ZNF141: variants seen among roughly 807,000 people sequenced by gnomAD.
ZNF141 encodes zinc finger protein 141 (clone pHZ-44).
In ZNF141, 7 loss-of-function variants were observed where a neutral mutation model predicts 11.3. The observed-to-expected ratio is 0.62, with a 90% confidence interval of 0.35 to 1.16. The LOEUF (loss-of-function observed/expected upper bound fraction) is 1.16. Among genes scored for constraint, ZNF141 ranks in the 50% most tolerant of loss-of-function variants. The pLI, the probability that ZNF141 is intolerant of heterozygous loss-of-function variation, is 0.02. For missense variants in ZNF141, 535 were observed against 554.0 expected (o/e 0.97, Z 0.34); for synonymous variants, 183 against 190.7 (o/e 0.96, Z 0.33).
rs1712427696 is a variant in ZNF141, at chr4:377,526, A to T, written c.*3664A>T. Among the ~76,000 whole-genome samples the T allele has an allele frequency of 6.6e-6, 1 of 152,002 alleles. No homozygotes were observed. The highest frequency in any genetic ancestry group is 2.4e-5 in the African/African-American group (1 of 41,384). ...TATGTATGCCTCAGAGCCTTTCTTC[A>T]TTTTTGCGTTATGGCTAGTTTGTCA... is the stretch of plus-strand genomic sequence containing the variant. On this transcript the variant is annotated 3_prime_UTR_variant, in exon 4 of 4. Coordinates refer to ENST00000240499, the MANE Select transcript of ZNF141 (RefSeq NM_003441.4).
intron 3 of ZNF141, among the ~76,000 whole-genome samples, chr4:371,864 T>C (rs1001638435): frequency 1.3e-5 from 2 of 152,178 alleles, no homozygotes; most frequent in Non-Finnish European, 2.9e-5. Context: ...TTTTAAATTG[T>C]TGGACTGTGT....
rs1712666991 is a variant in ZNF141 at position 382,388 on chromosome 4, C to T, written c.*8526C>T. On this transcript the variant is annotated 3_prime_UTR_variant, in exon 4 of 4. Coordinates refer to ENST00000240499, the MANE Select transcript of ZNF141 (RefSeq NM_003441.4). ...GCACTGGGAAAAAATAGCAGCAGCC[C>T]TATTGCTATGTCACTTGCCTGCAGA... 6.6e-6 allele frequency among the ~76,000 whole-genome samples: 1 copy of T among 152,122 alleles called. No individual in the cohort carries two copies. The highest frequency in any genetic ancestry group is 1.5e-5 in the Non-Finnish European group (1 of 68,018).
intron 3 of ZNF141, among the ~76,000 whole-genome samples, chr4:363,084 G>A (rs1216712178): frequency 2.0e-5 from 3 of 152,126 alleles, no homozygotes; most frequent in Admixed American, 6.6e-5. Flanking sequence ...TCCTTGAAGA[G>A]GTCCTTCACA....
intron 3 of ZNF141, among the ~76,000 whole-genome samples, chr4:355,256 C>T (rs1553851072): frequency 6.6e-6 from 1 of 151,982 alleles, no homozygotes; most frequent in Non-Finnish European, 1.5e-5. Flanking sequence ...GTGGTGCAAT[C>T]TTGGTTCACC....
At chr4:345,575 A>G (rs782057981) in intron 3 of ZNF141, among the ~76,000 whole-genome samples, 4 of 151,900 alleles carry the variant, frequency 2.6e-5, no homozygotes, top group Non-Finnish European at 4.4e-5. Flanking sequence ...CTAAAAATAC[A>G]AAATTAGCTG....
intron 3 of ZNF141, among the ~76,000 whole-genome samples, chr4:357,160 T>C (rs1553851307): frequency 6.6e-6 from 1 of 152,164 alleles, no homozygotes; most frequent in African/African-American, 2.4e-5. Context: ...GGTTTTGCCA[T>C]GTTGCTCAGG....
Position 376,091 on chromosome 4 carries a change from T to C in ZNF141, c.*2229T>C, listed in dbSNP as rs558815526. On this transcript the variant is annotated 3_prime_UTR_variant, in exon 4 of 4. Transcript: ENST00000240499. ...TTATGTGGGAACATAATTTTTTAAC[T>C]AAACAAAATTTTTAACGTGTTGAAA... Among the ~76,000 whole-genome samples the C allele has an allele frequency of 6.6e-6, 1 of 152,230 alleles. No homozygotes were observed. The highest frequency in any genetic ancestry group is 2.4e-5 in the African/African-American group (1 of 41,582).
At chr4:342,738 G>T in intron 1 of ZNF141, 1 of 1,330,034 alleles carries the variant, frequency 7.5e-7, no homozygotes, top group Non-Finnish European at 1.1e-6. Context: ...TGTTCTGGGT[G>T]AAAAGTCCTT....
Position 374,180 on chromosome 4 carries a change from T to G in ZNF141, c.*318T>G, listed in dbSNP as rs370013138. The G allele has an allele frequency of 3.5e-5, 12 of 345,298 alleles. No homozygotes were observed. The highest frequency in any genetic ancestry group is 2.9e-4 in the South Asian group (9 of 30,582). The allele number at this position is 345,298 out of a possible 1,614,324, so 21.4% of individuals were successfully genotyped here. A position where few individuals can be genotyped will look rare whatever the true frequency, so the allele number is the denominator to read the frequency against. The stretch of plus-strand genomic sequence containing the variant: ...AACAGCCCTCACCGGTGAATAAACA[T>G]AAGAAAAATCATGCTGGAGGGAAGC... On this transcript the variant is annotated 3_prime_UTR_variant, in exon 4 of 4. Coordinates refer to ENST00000240499, the MANE Select transcript of ZNF141 (RefSeq NM_003441.4).
intron 3 of ZNF141, among the ~76,000 whole-genome samples, chr4:361,549 C>T (rs1010036728): frequency 1.4e-4 from 21 of 152,150 alleles, no homozygotes; most frequent in Non-Finnish European, 2.1e-4. Context: ...CACGACAGGC[C>T]CCGGTGTGTG....
At position 384,080 on chromosome 4, in the gene ZNF141, G is replaced by T. The variant is rs1399694253; in HGVS notation, c.*10218G>T. The T allele has an allele frequency of 6.6e-6, 1 of 152,240 alleles. No individual in the cohort carries two copies. Among genetic ancestry groups the T allele is most frequent in the Non-Finnish European group, 1.5e-5 (1 of 68,054 alleles). The allele number at this position is 152,240 out of a possible 1,614,324, so 9.4% of individuals were successfully genotyped here. On this transcript the variant is annotated 3_prime_UTR_variant, in exon 4 of 4. Transcript: ENST00000240499. ...CGGCCTTCCTTCTGGTAACAGAAGT[G>T]CAGGTATATGTGGATGCATGTGATT...
chr4:344,457 G>A (rs79348421), intron 3 of ZNF141, 27 bp downstream of exon 3: 2 of 1,585,492 alleles, frequency 1.3e-6, no homozygotes, highest in Non-Finnish European at 1.7e-6. Flanking sequence ...GGAGGAGAGG[G>A]CACAGGCAAG....
At position 364,968 on chromosome 4, in the gene ZNF141, A is replaced by T. The variant is rs560416984; in HGVS notation, c.227-7696A>T. Among the ~76,000 whole-genome samples the T allele has an allele frequency of 5.7e-4, 87 of 152,296 alleles. 1 individual carries two copies. The South Asian group carries it at 0.017, about 29-fold the overall frequency. ...TCTACAGAGGCAACTGGCCTTGTTG[A>T]GATGCAGTGGGCTTCGCCCAGTTCA... is the stretch of plus-strand genomic sequence containing the variant. On this transcript the variant is annotated intron_variant, in intron 3 of 3. Coordinates refer to ENST00000240499, the MANE Select transcript of ZNF141 (RefSeq NM_003441.4).
chr4:369,764 A>ATATATT, intron 3 of ZNF141, among the ~76,000 whole-genome samples: 26 of 48,724 alleles, frequency 5.3e-4, no homozygotes, highest in East Asian at 9.3e-4. Flanking sequence ...ATATATATAT[A>ATATATT]TTTTTTTTTT....
Position 384,729 on chromosome 4 carries a change from G to A in ZNF141, c.*10867G>A, listed in dbSNP as rs1284653857. 2 of 152,128 alleles carry A rather than the reference G, an allele frequency of 1.3e-5. No individual in the cohort carries two copies. Among genetic ancestry groups the A allele is most frequent in the Non-Finnish European group, 2.9e-5 (2 of 68,036 alleles). 9.4% of individuals were successfully genotyped at this position (152,128 alleles called of 1,614,324 possible). On this transcript the variant is annotated 3_prime_UTR_variant, in exon 4 of 4. Transcript: ENST00000240499. The stretch of plus-strand genomic sequence containing the variant: ...CGGGGAAATTTACCCCTCCCATTTG[G>A]GCAGAACCCACAGAAGACTTCCTCG...
chr4:374,048 T>C lies in ZNF141; in HGVS notation c.*186T>C, dbSNP rs1581629264. ...ATACCGGAGAGAAACTGTACAAATG[T>C]GAAGAATATGGCAAAGCCTGTGAAT... is the stretch of plus-strand genomic sequence containing the variant. On this transcript the variant is annotated 3_prime_UTR_variant, in exon 4 of 4. Coordinates refer to ENST00000240499, the MANE Select transcript of ZNF141 (RefSeq NM_003441.4). 1.6e-6 allele frequency: 1 copy of C among 638,204 alleles called. No homozygotes were observed. Among genetic ancestry groups the C allele is most frequent in the East Asian group, 2.7e-5 (1 of 37,008 alleles). 39.5% of individuals were successfully genotyped at this position (638,204 alleles called of 1,614,324 possible).
intron 3 of ZNF141, among the ~76,000 whole-genome samples, chr4:346,385 G>A (rs1366531350): frequency 1.3e-5 from 2 of 152,100 alleles, no homozygotes; most frequent in African/African-American, 4.8e-5. Context: ...GATTTGATAT[G>A]CATCTACATT....
In ZNF141 at chr4:382,345, C is replaced by G. The variant is rs1712664699; in HGVS notation, c.*8483C>G. Among the ~76,000 whole-genome samples the G allele has an allele frequency of 6.6e-6, 1 of 152,156 alleles. No individual in the cohort carries two copies. Among genetic ancestry groups the G allele is most frequent in the African/African-American group, 2.4e-5 (1 of 41,434 alleles). On this transcript the variant is annotated 3_prime_UTR_variant, in exon 4 of 4. Transcript: ENST00000240499. ...ACATCTTGTCCCTTCGAAGCATACT[C>G]TGCTGGTTGGCTAAATTGCACTGGG...
chr4:363,605 A>G (rs1219623168), intron 3 of ZNF141, among the ~76,000 whole-genome samples: 1 of 152,112 alleles, frequency 6.6e-6, no homozygotes, highest in African/African-American at 2.4e-5. Context: ...AAAAATGGAA[A>G]CAACTAGCCG....
Sources: gnomAD v4.1 joint callset for allele counts (sites outside exome capture counted in the v4.1 genomes callset) on GRCh38, gnomAD v4.1.1 for gene constraint, MANE v1.5 for transcripts, NCBI Gene and HGNC (gene_info 2026-07-23, HGNC 2026-07-21) for gene names.